The following DCLK2 variants were observed in gnomAD, a reference collection of about 807,000 sequenced individuals.
The protein encoded by DCLK2 is doublecortin like kinase 2.
DCLK2 carries 31 observed loss-of-function variants against 78.4 expected under a neutral mutation model. The observed-to-expected ratio is 0.40, with a 90% confidence interval of 0.30 to 0.53. The LOEUF is 0.53. Ranked by LOEUF, DCLK2 falls within the 20% of genes least tolerant of loss-of-function variation. DCLK2 has a pLI of 0.61. For missense variants in DCLK2, 872 were observed against 973.7 expected (o/e 0.90, Z 1.39); for synonymous variants, 407 against 374.9 (o/e 1.09, Z -0.99).
intron 5 of DCLK2, among the ~76,000 whole-genome samples, chr4:150,214,246 A>G (rs1484735630): frequency 6.6e-6 from 1 of 152,240 alleles, no homozygotes; most frequent in Non-Finnish European, 1.5e-5. Context: ...CCTTGGCTGC[A>G]TGTTGGATCA....
At chr4:150,193,310 C>G (rs1002321071) in intron 3 of DCLK2, 70 bp downstream of exon 3, 9 of 1,005,202 alleles carry the variant, frequency 9.0e-6, no homozygotes, top group African/African-American at 7.9e-5. Context: ...TGGGATTTAG[C>G]CACTCAGTTG....
Position 150,256,489 on chromosome 4 carries a change from G to T in DCLK2, c.*242G>T. On this transcript the variant is annotated 3_prime_UTR_variant, in exon 16 of 16. Transcript: ENST00000296550. Reference sequence around the variant, plus strand: ...GCATCCGTTCTGCCAACAGCTGTTCGGAGAGACTCGTTCCAGATCATCCCG... The same window carrying T: ...GCATCCGTTCTGCCAACAGCTGTTCTGAGAGACTCGTTCCAGATCATCCCG... 2.0e-6 allele frequency: 1 copy of T among 488,162 alleles called. No individual in the cohort carries two copies. The highest frequency in any genetic ancestry group is 4.1e-5 in the South Asian group (1 of 24,516). The allele number at this position is 488,162 out of a possible 1,614,324, so 30.2% of individuals were successfully genotyped here.
intron 2 of DCLK2, among the ~76,000 whole-genome samples, chr4:150,139,368 AG>A (rs1459930865): frequency 2.0e-5 from 3 of 152,204 alleles, no homozygotes; most frequent in Non-Finnish European, 2.9e-5. Flanking sequence ...AGTGTGATAC[AG>A]GGCACACTAG....
chr4:150,079,232 A>C lies in DCLK2; in HGVS notation c.205A>C (p.Lys69Gln). 6.2e-7 allele frequency: 1 copy of C among 1,609,184 alleles called. No individual in the cohort carries two copies. Among genetic ancestry groups the C allele is most frequent in the Non-Finnish European group, 8.5e-7 (1 of 1,177,986 alleles). The change falls in exon 1 of 16, where the codon AAG becomes CAG. Residue 69 changes from lysine to glutamine, a missense_variant. By Grantham distance (53) the Lys-to-Gln change is moderately conservative. This residue lies in a region of DCLK2 where 567 missense variants were observed against 593.4 expected (regional missense o/e 0.96). Coordinates refer to ENST00000296550, the MANE Select transcript of DCLK2 (RefSeq NM_001040260.4). ...TRTLQALSSE[K>Q]KAKKARFYRN... ...GACCCTGCAGGCCCTCAGCTCGGAGAAGAAGGCCAAGAAGGCGCGCTTCTA... is the reference window on the plus strand; with the variant it reads ...GACCCTGCAGGCCCTCAGCTCGGAGCAGAAGGCCAAGAAGGCGCGCTTCTA...
intron 5 of DCLK2, among the ~76,000 whole-genome samples, chr4:150,217,554 T>TATTA (rs1232875580): frequency 2.0e-5 from 3 of 152,182 alleles, no homozygotes; most frequent in African/African-American, 7.2e-5. Flanking sequence ...TCACTGAAGG[T>TATTA]ATTAAGCTTA....
At chr4:150,243,768 C>T (rs1358052559) in intron 12 of DCLK2, among the ~76,000 whole-genome samples, 2 of 151,428 alleles carry the variant, frequency 1.3e-5, no homozygotes, top group African/African-American at 2.4e-5. Context: ...CTCTGTCACC[C>T]AGGCTGGTGT....
chr4:150,225,212 A>G (rs1741510241), intron 8 of DCLK2, among the ~76,000 whole-genome samples: 1 of 152,150 alleles, frequency 6.6e-6, no homozygotes. Context: ...CGTAAGGGAG[A>G]CTCATCTTTG....
chr4:150,207,407 G>A (rs1580716802), intron 5 of DCLK2, among the ~76,000 whole-genome samples: 1 of 152,264 alleles, frequency 6.6e-6, no homozygotes, highest in Admixed American at 6.5e-5. Flanking sequence ...TATTTTGGTA[G>A]GGGCATTGAA....
intron 2 of DCLK2, among the ~76,000 whole-genome samples, chr4:150,177,311 C>T (rs72967218): frequency 0.036 from 5,412 of 151,674 alleles, 295 homozygotes; most frequent in African/African-American, 0.12. Flanking sequence ...CTTTTTTTTC[C>T]GAGTTGATGC....
intron 1 of DCLK2, among the ~76,000 whole-genome samples, chr4:150,091,929 A>G (rs1730111749): frequency 6.6e-6 from 1 of 152,042 alleles, no homozygotes. Flanking sequence ...TCATCTTCAT[A>G]ACTGGAACTT....
At chr4:150,213,287 C>T (rs1740445747) in intron 5 of DCLK2, among the ~76,000 whole-genome samples, 1 of 152,192 alleles carries the variant, frequency 6.6e-6, no homozygotes, top group African/African-American at 2.4e-5. Flanking sequence ...CTATTTAACA[C>T]TGTTAACCAA....
intron 5 of DCLK2, among the ~76,000 whole-genome samples, chr4:150,216,994 C>G (rs905894137): frequency 6.6e-6 from 1 of 152,158 alleles, no homozygotes; most frequent in African/African-American, 2.4e-5. Flanking sequence ...TAGGCACTTT[C>G]TTTGTGCTGT....
chr4:150,119,069 A>G (rs527349101), intron 2 of DCLK2, among the ~76,000 whole-genome samples: 4 of 151,746 alleles, frequency 2.6e-5, no homozygotes, highest in Non-Finnish European at 4.4e-5. Context: ...AATAATAACA[A>G]TTGTGTTAAT....
At chr4:150,220,584 C>T (rs567615731) in intron 5 of DCLK2, 119 bp from the exon 6 acceptor site, 23 of 713,680 alleles carry the variant, frequency 3.2e-5, no homozygotes, top group Admixed American at 1.4e-4. Context: ...AGAAAGGGAA[C>T]GCCTCCTCGG....
At chr4:150,209,314 C>G (rs987191700) in intron 5 of DCLK2, among the ~76,000 whole-genome samples, 2 of 152,194 alleles carry the variant, frequency 1.3e-5, no homozygotes, top group African/African-American at 4.8e-5. Flanking sequence ...CTGCAGGCCA[C>G]ACACAGCCTC....
At chr4:150,156,676 A>G (rs1735294636) in intron 2 of DCLK2, among the ~76,000 whole-genome samples, 1 of 151,820 alleles carries the variant, frequency 6.6e-6, no homozygotes, top group Admixed American at 6.6e-5. Context: ...ACACACATGC[A>G]CACACATACA....
At chr4:150,191,904 G>T (rs1043888175) in intron 2 of DCLK2, among the ~76,000 whole-genome samples, 7 of 152,036 alleles carry the variant, frequency 4.6e-5, no homozygotes, top group African/African-American at 1.7e-4. Context: ...ATAGTGATTC[G>T]GAAAACTTAA....
At chr4:150,161,965 G>C (rs1476741485) in intron 2 of DCLK2, among the ~76,000 whole-genome samples, 1 of 152,144 alleles carries the variant, frequency 6.6e-6, no homozygotes, top group Non-Finnish European at 1.5e-5. Flanking sequence ...GACCTCAGCA[G>C]AGTCATGAAC....
chr4:150,201,050 T>C lies in DCLK2; in HGVS notation c.962-2745T>C, dbSNP rs537576495. 2.0e-5 allele frequency among the ~76,000 whole-genome samples: 3 copies of C among 152,250 alleles called. No homozygotes were observed. The East Asian group carries it at 5.8e-4, about 30-fold the overall frequency. ...CCAGGCTGGTCTCTAATTCCTGATA[T>C]CAAGTGATCCACCCGCCTCAGCCTC... On this transcript the variant is annotated intron_variant, in intron 4 of 15. Transcript: ENST00000296550.
Sources: allele counts gnomAD v4.1 joint callset (sites outside exome capture counted in the v4.1 genomes callset), GRCh38; gene constraint gnomAD v4.1.1; regional missense constraint gnomAD v4.1.1; transcripts MANE v1.5; gene names NCBI Gene and HGNC (gene_info 2026-07-23, HGNC 2026-07-21).